PLXNC1: variants seen among roughly 807,000 people sequenced by gnomAD.
PLXNC1 encodes the protein plexin C1, also known as plexin-C1.
Under a neutral mutation model 178.2 loss-of-function variants are expected in PLXNC1, and 75 were observed. That is an observed-to-expected ratio of 0.42 (90% CI 0.35 to 0.51). The LOEUF is 0.51. PLXNC1 is among the 20% of genes least tolerant of loss of function. The pLI is 0.02. For synonymous variants in PLXNC1, 790 were observed against 779.9 expected, an observed-to-expected ratio of 1.01 and a Z score of -0.22; for missense variants, 1,503 against 1,984.4, an observed-to-expected ratio of 0.76 and a Z score of 4.61.
At chr12:94,301,138 AAAC>A in intron 28 of PLXNC1, 81 bp downstream of exon 28, 2 of 1,306,102 alleles carry the variant, frequency 1.5e-6, no homozygotes, top group East Asian at 4.6e-5. Context: ...TTCAAATAAT[AAAC>A]AATTGGTCTA....
chr12:94,293,004 C>G (rs1018849068), intron 23 of PLXNC1, among the ~76,000 whole-genome samples: 3 of 152,214 alleles, frequency 2.0e-5, no homozygotes, highest in African/African-American at 4.8e-5. Flanking sequence ...ATCACTACCG[C>G]TGCTCTCTTC....
At chr12:94,247,736 T>C (rs1312419929) in intron 12 of PLXNC1, among the ~76,000 whole-genome samples, 167 bp from the exon 13 acceptor site, 1 of 149,938 alleles carries the variant, frequency 6.7e-6, no homozygotes, top group Non-Finnish European at 1.5e-5. Context: ...TTTAATGTAA[T>C]GTAGGGTGAA....
At position 94,282,020 on chromosome 12, in the gene PLXNC1, A is replaced by G. The variant is rs144522663; in HGVS notation, c.3776-278A>G. 297 of 323,930 alleles carry G rather than the reference A, an allele frequency of 9.2e-4. 1 individual carries two copies. The highest frequency in any genetic ancestry group is 6.2e-3 in the African/African-American group (288 of 46,352). The allele number at this position is 323,930 out of a possible 1,614,324, so 20.1% of individuals were successfully genotyped here. A position where few individuals can be genotyped will look rare whatever the true frequency, so the allele number is the denominator to read the frequency against. On this transcript the variant is annotated intron_variant, in intron 22 of 30. Transcript: ENST00000258526. ...AAATTTGCTTCTGGAATTTTTGTTG[A>G]AGAGCTTAGTCGTCCCTCATAGAAT...
intron 30 of PLXNC1, among the ~76,000 whole-genome samples, chr12:94,304,808 T>C (rs375423762): frequency 6.6e-6 from 1 of 152,196 alleles, no homozygotes. Context: ...GGGAAGGATC[T>C]GTCTCTGACC....
chr12:94,281,231 A>T (rs572193625), intron 22 of PLXNC1, among the ~76,000 whole-genome samples: 30 of 152,286 alleles, frequency 2.0e-4, no homozygotes, highest in African/African-American at 6.7e-4. Flanking sequence ...GTGAGCCCAG[A>T]TTGCGCCACT....
intron 21 of PLXNC1, among the ~76,000 whole-genome samples, chr12:94,266,368 C>T (rs1165652305): frequency 6.6e-6 from 1 of 152,158 alleles, no homozygotes. Flanking sequence ...CACTTCTCAG[C>T]GTTCTGAATT....
chr12:94,189,111 G>C (rs1420426010), intron 4 of PLXNC1, among the ~76,000 whole-genome samples: 3 of 152,238 alleles, frequency 2.0e-5, no homozygotes, highest in Non-Finnish European at 4.4e-5. Context: ...GCATGGTTTT[G>C]TCTTTCTCAA....
chr12:94,299,119 TAGAGA>T (rs1488126364), intron 27 of PLXNC1, among the ~76,000 whole-genome samples: 1 of 152,206 alleles, frequency 6.6e-6, no homozygotes, highest in Non-Finnish European at 1.5e-5. Context: ...ATTTTTGCAT[TAGAGA>T]AAATTTTATG....
At chr12:94,259,299 G>A (rs1964933371) in intron 17 of PLXNC1, 38 bp from the exon 18 acceptor site, 1 of 1,485,040 alleles carries the variant, frequency 6.7e-7, no homozygotes, top group African/African-American at 1.4e-5. Context: ...CATTTCCTTT[G>A]GATGTTATGA....
At chr12:94,189,949 G>T (rs1962663129) in intron 4 of PLXNC1, among the ~76,000 whole-genome samples, 1 of 152,114 alleles carries the variant, frequency 6.6e-6, no homozygotes, top group African/African-American at 2.4e-5. Context: ...GGGCTGGGGT[G>T]GTCTGTAATG....
rs1017126769 is a variant in PLXNC1 at position 94,189,692 on chromosome 12, A to T, written c.1439+3219A>T. Reference sequence around the variant, plus strand: ...GAGACCCTGTCTCAAAAAAAAAAAAAATTGTTGGAACTAGAGAATTGGAAA... The same window carrying T: ...GAGACCCTGTCTCAAAAAAAAAAAATATTGTTGGAACTAGAGAATTGGAAA... On this transcript the variant is annotated intron_variant, in intron 4 of 30. Transcript: ENST00000258526. Among the ~76,000 whole-genome samples, 6 of 152,156 alleles carry T rather than the reference A, an allele frequency of 3.9e-5. No homozygotes were observed. The East Asian group carries it at 1.2e-3, about 29-fold the overall frequency.
chr12:94,280,104 C>T (rs186512008), intron 22 of PLXNC1: 136 of 325,744 alleles, frequency 4.2e-4, no homozygotes, highest in Middle Eastern at 2.2e-3. Flanking sequence ...GAAAGGTCAT[C>T]TTCCTCTGCT....
chr12:94,216,160 C>G (rs375095484), intron 5 of PLXNC1, among the ~76,000 whole-genome samples: 2 of 151,634 alleles, frequency 1.3e-5, no homozygotes. Context: ...CCCAGCTACT[C>G]GGGAGGCTGA....
At chr12:94,180,803 A>T (rs1365864245) in intron 2 of PLXNC1, among the ~76,000 whole-genome samples, 1 of 152,192 alleles carries the variant, frequency 6.6e-6, no homozygotes, top group East Asian at 1.9e-4. Context: ...TTGAGACAGC[A>T]CTAATGAAGC....
intron 1 of PLXNC1, among the ~76,000 whole-genome samples, chr12:94,150,459 A>G (rs919182897): frequency 1.1e-4 from 16 of 152,296 alleles, no homozygotes; most frequent in African/African-American, 2.6e-4. Context: ...GTCAACAGTT[A>G]GCAACACAGT....
chr12:94,278,710 T>A (rs1296007570), intron 21 of PLXNC1, among the ~76,000 whole-genome samples: 1 of 152,084 alleles, frequency 6.6e-6, no homozygotes, highest in Admixed American at 6.5e-5. Flanking sequence ...AAAAGTGACC[T>A]CTTTGGGCCG....
chr12:94,269,702 T>C (rs1965458704), intron 21 of PLXNC1, among the ~76,000 whole-genome samples: 1 of 152,232 alleles, frequency 6.6e-6, no homozygotes, highest in Non-Finnish European at 1.5e-5. Context: ...CTCCTACCAT[T>C]TGTGGAGAAA....
chr12:94,181,690 C>G (rs988485567), intron 3 of PLXNC1, 110 bp downstream of exon 3: 1 of 965,154 alleles, frequency 1.0e-6, no homozygotes, highest in African/African-American at 1.7e-5. Flanking sequence ...TTAAGCAGTG[C>G]CCCAGGCTTT....
intron 4 of PLXNC1, among the ~76,000 whole-genome samples, chr12:94,204,715 T>G (rs1963245959): frequency 6.6e-6 from 1 of 152,200 alleles, no homozygotes; most frequent in African/African-American, 2.4e-5. Flanking sequence ...ACCTCGCCCC[T>G]CCACTGGGCT....
Sources: allele counts gnomAD v4.1 joint callset (sites outside exome capture counted in the v4.1 genomes callset), GRCh38; gene constraint gnomAD v4.1.1; transcripts MANE v1.5; gene names NCBI Gene and HGNC (gene_info 2026-07-23, HGNC 2026-07-21).